TMEM253: variants seen among roughly 807,000 people sequenced by gnomAD.
TMEM253 encodes transmembrane protein C14orf176.
In TMEM253, 22 loss-of-function variants were observed where a neutral mutation model predicts 20.3. That is an observed-to-expected ratio of 1.08 (90% CI 0.78 to 1.55). The LOEUF is 1.55. Ranked by LOEUF, TMEM253 falls within the 40% of genes most tolerant of loss-of-function variation. The pLI is 0.00. For missense variants in TMEM253, 251 were observed against 266.1 expected, an observed-to-expected ratio of 0.94 and a Z score of 0.39; for synonymous variants, 92 against 102.6, an observed-to-expected ratio of 0.90 and a Z score of 0.62.
upstream of TMEM253, among the ~76,000 whole-genome samples, chr14:21,100,088 C>T (rs1889538237): frequency 1.3e-5 from 2 of 152,142 alleles, no homozygotes; most frequent in African/African-American, 2.4e-5. Flanking sequence ...TCAGGACAGA[C>T]ACAGTGGCCC....
intron 6 of TMEM253, 94 bp from the exon 7 acceptor site, chr14:21,103,045 G>A (rs1889746476): frequency 2.6e-6 from 4 of 1,537,878 alleles, no homozygotes; most frequent in Admixed American, 3.9e-5. Context: ...TGGGAAACAG[G>A]ATAGAAAATT....
At chr14:21,101,647 T>A in intron 2 of TMEM253, 196 bp downstream of exon 2, 2 of 655,858 alleles carry the variant, frequency 3.0e-6, no homozygotes, top group Non-Finnish European at 5.2e-6. Context: ...AGCTTCCATC[T>A]TGTGGGGGAA....
chr14:21,102,535 A>T lies in TMEM253; in HGVS notation c.387+20A>T. The T allele has an allele frequency of 1.3e-6, 2 of 1,551,614 alleles. No homozygotes were observed. The highest frequency in any genetic ancestry group is 1.7e-6 in the Non-Finnish European group (2 of 1,146,952). ...TCCCAGGTACTGGTCAATGAAGGAG[A>T]AGGTGGGAGGATAAGGAGGCAAGAG... On this transcript the variant is annotated intron_variant, in intron 5 of 6. Coordinates refer to ENST00000556585, the Ensembl canonical transcript of TMEM253.
chr14:21,101,053 C>G (rs1412080659), upstream of TMEM253: 1 of 300,160 alleles, frequency 3.3e-6, no homozygotes, highest in Non-Finnish European at 6.5e-6. Flanking sequence ...AAACCTTTGC[C>G]CCACCACACC....
At chr14:21,102,158 C>T (rs1566557925) in intron 4 of TMEM253, 38 bp downstream of exon 4, 1 of 1,534,686 alleles carries the variant, frequency 6.5e-7, no homozygotes, top group Non-Finnish European at 8.8e-7. Flanking sequence ...CCTCCCACTC[C>T]CTAAAACAGA....
chr14:21,101,653 G>A, intron 2 of TMEM253: 1 of 650,384 alleles, frequency 1.5e-6, no homozygotes, highest in East Asian at 2.7e-5. Flanking sequence ...CATCTTGTGG[G>A]GGAAAACATA....
chr14:21,098,857 G>A, upstream of TMEM253: 1 of 1,286,706 alleles, frequency 7.8e-7, no homozygotes, highest in Non-Finnish European at 1.0e-6. Context: ...AACATGCACA[G>A]ACTCGGGAAG....
upstream of TMEM253, chr14:21,100,999 G>A (rs1306440363): frequency 5.2e-6 from 1 of 191,120 alleles, no homozygotes. Context: ...AACTGAGGCC[G>A]GTATCTACCC....
chr14:21,101,901 CT>C lies in TMEM253; in HGVS notation c.147del (p.Ala50LeufsTer7). ...ATGGCTGGCAGTGGTTGTGGTGCCCCTTGCTGTCTCAGTCGCCTGCCTGAAC... is the reference window on the plus strand; with the variant it reads ...ATGGCTGGCAGTGGTTGTGGTGCCCCTGCTGTCTCAGTCGCCTGCCTGAAC... On this transcript the variant is annotated frameshift_variant, in exon 3 of 7. Coordinates refer to ENST00000556585, the Ensembl canonical transcript of TMEM253. LOFTEE classifies it high-confidence loss of function. 1 of 1,551,618 alleles carries C rather than the reference CT, an allele frequency of 6.4e-7. No homozygotes were observed. Among genetic ancestry groups the C allele is most frequent in the Non-Finnish European group, 8.7e-7 (1 of 1,146,992 alleles).
upstream of TMEM253, among the ~76,000 whole-genome samples, chr14:21,099,431 G>A (rs2139337291): frequency 6.6e-6 from 1 of 152,292 alleles, no homozygotes; most frequent in South Asian, 2.1e-4. Context: ...GGGAATTGAG[G>A]AGGAGTAGAC....
chr14:21,099,064 C>A (rs1889485353), upstream of TMEM253: 4 of 296,460 alleles, frequency 1.3e-5, no homozygotes, highest in Non-Finnish European at 2.7e-5. Flanking sequence ...TTCCTCAAGT[C>A]ACTTTAATGG....
At chr14:21,102,711 T>C in exon 6 of TMEM253, 1 of 1,551,556 alleles carries the variant, frequency 6.4e-7, no homozygotes, top group South Asian at 1.2e-5. Flanking sequence ...GCACGCCCTA[T>C]TCTTGCTGAG....
At chr14:21,100,346 A>C (rs947069593), upstream of TMEM253, among the ~76,000 whole-genome samples, 2 of 150,994 alleles carry the variant, frequency 1.3e-5, no homozygotes, top group African/African-American at 4.8e-5. Context: ...AGCCTGGGTG[A>C]CAGTGAGCCC....
chr14:21,101,767 C>T, intron 2 of TMEM253, 98 bp from the exon 3 acceptor site: 1 of 934,524 alleles, frequency 1.1e-6, no homozygotes, highest in Non-Finnish European at 1.6e-6. Flanking sequence ...CTCCACCCTG[C>T]ATTCAATCCC....
At position 21,101,103 on chromosome 14, in the gene TMEM253, G is replaced by A. The variant is rs117857096; in HGVS notation, c.-118G>A. 207 of 372,454 alleles carry A rather than the reference G, an allele frequency of 5.6e-4. No individual in the cohort carries two copies. In the East Asian group the frequency reaches 6.0e-3, roughly 11 times the overall value. The allele number at this position is 372,454 out of a possible 1,614,324, so 23.1% of individuals were successfully genotyped here. A position where few individuals can be genotyped will look rare whatever the true frequency, so the allele number is the denominator to read the frequency against. On this transcript the variant is annotated 5_prime_UTR_variant, in exon 1 of 7. Coordinates refer to ENST00000556585, the Ensembl canonical transcript of TMEM253. ...CTTCCTCTGCCAGGACAAGTTTGTCGTCTGCTCTGAGCTATCAAGCCCCTT... is the reference window on the plus strand; with the variant it reads ...CTTCCTCTGCCAGGACAAGTTTGTCATCTGCTCTGAGCTATCAAGCCCCTT...
At chr14:21,101,215 T>C in intron 1 of TMEM253, 31 bp downstream of exon 1, 1 of 836,724 alleles carries the variant, frequency 1.2e-6, no homozygotes, top group African/African-American at 1.7e-5. Flanking sequence ...CTCAAATCCC[T>C]GGATATTGGG....
exon 7 of TMEM253, chr14:21,103,293 C>G: frequency 6.5e-7 from 1 of 1,538,674 alleles, no homozygotes. Flanking sequence ...CATCCCACCC[C>G]ACCAAACTCA....
At chr14:21,100,786 T>A (rs138018327), upstream of TMEM253, among the ~76,000 whole-genome samples, 6 of 151,922 alleles carry the variant, frequency 3.9e-5, no homozygotes, top group African/African-American at 1.4e-4. Flanking sequence ...GAAAGTAGGA[T>A]CTCTAGGGAA....
At chr14:21,098,971 A>T, upstream of TMEM253, 1 of 627,350 alleles carries the variant, frequency 1.6e-6, no homozygotes, top group South Asian at 2.0e-5. Context: ...CGGCCGTATA[A>T]GAAACATTAT....
Sources: allele counts gnomAD v4.1 joint callset (sites outside exome capture counted in the v4.1 genomes callset), GRCh38; gene constraint gnomAD v4.1.1; transcripts MANE v1.5; gene names NCBI Gene and HGNC (gene_info 2026-07-23, HGNC 2026-07-21).